The following ZCWPW2 variants were observed in gnomAD, a reference collection of about 807,000 sequenced individuals.
The protein encoded by ZCWPW2 is zinc finger CW-type and PWWP domain containing 2, also known as zinc finger CW-type PWWP domain protein 2.
Under a neutral mutation model 46.6 loss-of-function variants are expected in ZCWPW2, and 45 were observed. The observed-to-expected ratio is 0.96, with a 90% CI of 0.76 to 1.24. ZCWPW2 has a LOEUF of 1.24. Ranked by LOEUF, ZCWPW2 falls within the 50% of genes most tolerant of loss-of-function variation. The pLI, the probability that ZCWPW2 is intolerant of heterozygous loss-of-function variation, is 0.00. For missense variants in ZCWPW2, 429 were observed against 403.9 expected (o/e 1.06, Z -0.53); for synonymous variants, 152 against 137.1 (o/e 1.11, Z -0.76).
At position 28,413,406 on chromosome 3, in the gene ZCWPW2, G is replaced by A; in HGVS notation, c.332+6G>A. ...AAATTACAGAATTGGCCAAGGTAAG[G>A]TTTGTGTAGTTTTATGACTTTTGAA... On this transcript the variant is annotated splice_donor_region_variant and intron_variant, in intron 3 of 9. Transcript: ENST00000383768. 3 of 1,588,996 alleles carry A rather than the reference G, an allele frequency of 1.9e-6. No homozygotes were observed. The highest frequency in any genetic ancestry group is 2.6e-6 in the Non-Finnish European group (3 of 1,164,958).
chr3:28,486,931 C>T (rs937069052), intron 5 of ZCWPW2, among the ~76,000 whole-genome samples: 1 of 149,940 alleles, frequency 6.7e-6, no homozygotes, highest in African/African-American at 2.4e-5. Flanking sequence ...TTTGTCAACA[C>T]TTTATTTTGT....
intron 5 of ZCWPW2, among the ~76,000 whole-genome samples, chr3:28,479,718 C>T (rs971200770): frequency 5.9e-5 from 9 of 152,160 alleles, no homozygotes; most frequent in Non-Finnish European, 1.5e-5. Flanking sequence ...TTGTTCTTCT[C>T]TATGTGCCCA....
At chr3:28,414,304 T>C (rs1481111180) in intron 3 of ZCWPW2, among the ~76,000 whole-genome samples, 1 of 151,948 alleles carries the variant, frequency 6.6e-6, no homozygotes, top group Non-Finnish European at 1.5e-5. Flanking sequence ...AAAAAAATTT[T>C]TCATTAGTCA....
chr3:28,358,281 A>G (rs1172420138), intron 1 of ZCWPW2, among the ~76,000 whole-genome samples: 2 of 152,140 alleles, frequency 1.3e-5, no homozygotes, highest in African/African-American at 2.4e-5. Flanking sequence ...ATTTTTTAAA[A>G]GGACCTTCTT....
chr3:28,390,990 G>A lies in ZCWPW2; in HGVS notation c.-14+373G>A, dbSNP rs145117081. Among the ~76,000 whole-genome samples the A allele has an allele frequency of 4.7e-3, 719 of 152,248 alleles. 6 individuals are homozygous for A. The highest frequency in any genetic ancestry group is 0.015 in the African/African-American group (624 of 41,542). Reference sequence around the variant, plus strand: ...AGGCATCTTTCATGAGAGATGAGAGGTACCAGGCTAGACTAGGGCCCCAGA... The same window carrying A: ...AGGCATCTTTCATGAGAGATGAGAGATACCAGGCTAGACTAGGGCCCCAGA... On this transcript the variant is annotated intron_variant, in intron 2 of 9. Coordinates refer to ENST00000383768, the MANE Select transcript of ZCWPW2 (RefSeq NM_001040432.4).
chr3:28,448,844 T>C (rs971454011), intron 4 of ZCWPW2, among the ~76,000 whole-genome samples: 46 of 88,140 alleles, frequency 5.2e-4, no homozygotes, highest in Admixed American at 1.9e-3. Context: ...AAGGCAATAC[T>C]ACCCAAAGCA....
chr3:28,435,947 T>G (rs1342329174), intron 4 of ZCWPW2, among the ~76,000 whole-genome samples: 1 of 152,194 alleles, frequency 6.6e-6, no homozygotes, highest in Admixed American at 6.5e-5. Flanking sequence ...AACTTAATTA[T>G]GGATTGCAAC....
intron 4 of ZCWPW2, among the ~76,000 whole-genome samples, chr3:28,471,950 TAAATA>T (rs1188511421): frequency 1.3e-5 from 2 of 151,854 alleles, no homozygotes; most frequent in African/African-American, 2.4e-5. Flanking sequence ...ATGTGAAAAA[TAAATA>T]AAACAGTAAT....
intron 2 of ZCWPW2, among the ~76,000 whole-genome samples, chr3:28,402,897 T>G (rs1490358223): frequency 6.6e-6 from 1 of 152,078 alleles, no homozygotes; most frequent in East Asian, 1.9e-4. Context: ...GGAGCAAAGT[T>G]CAGTGTAATA....
intron 6 of ZCWPW2, among the ~76,000 whole-genome samples, chr3:28,508,055 T>A (rs1700326676): frequency 6.6e-6 from 1 of 152,082 alleles, no homozygotes; most frequent in Non-Finnish European, 1.5e-5. Context: ...TGGTATCTGC[T>A]CAGCTTCTGG....
intron 1 of ZCWPW2, among the ~76,000 whole-genome samples, chr3:28,362,957 G>A (rs1704997561): frequency 6.6e-6 from 1 of 151,536 alleles, no homozygotes; most frequent in South Asian, 2.1e-4. Flanking sequence ...AACTAACACA[G>A]GAACAGAAAA....
At chr3:28,510,628 A>G (rs144711848) in intron 6 of ZCWPW2, among the ~76,000 whole-genome samples, 1 of 152,220 alleles carries the variant, frequency 6.6e-6, no homozygotes, top group Non-Finnish European at 1.5e-5. Flanking sequence ...CACTAACCCA[A>G]GTTTACCCAG....
chr3:28,381,974 C>T (rs181591881), intron 1 of ZCWPW2, among the ~76,000 whole-genome samples: 21 of 152,058 alleles, frequency 1.4e-4, no homozygotes, highest in African/African-American at 4.3e-4. Context: ...ACCATCCAGA[C>T]CAACATGGAG....
At chr3:28,413,716 T>C (rs1486836154) in intron 3 of ZCWPW2, among the ~76,000 whole-genome samples, 1 of 152,124 alleles carries the variant, frequency 6.6e-6, no homozygotes, top group Non-Finnish European at 1.5e-5. Flanking sequence ...ACTGATTTTC[T>C]TTGTGATTTC....
intron 4 of ZCWPW2, among the ~76,000 whole-genome samples, chr3:28,469,202 A>C (rs1698944771): frequency 6.6e-6 from 1 of 152,140 alleles, no homozygotes; most frequent in South Asian, 2.1e-4. Context: ...TGGTAATCAC[A>C]AATCAAAAAA....
At chr3:28,490,842 T>C (rs1238265961) in intron 5 of ZCWPW2, among the ~76,000 whole-genome samples, 2 of 152,168 alleles carry the variant, frequency 1.3e-5, no homozygotes, top group South Asian at 2.1e-4. Flanking sequence ...TATCTTATAC[T>C]GTCTAATATA....
intron 6 of ZCWPW2, among the ~76,000 whole-genome samples, chr3:28,503,032 G>A (rs546126573): frequency 3.9e-5 from 6 of 151,996 alleles, no homozygotes; most frequent in East Asian, 1.9e-4. Flanking sequence ...ATTTTTCTCC[G>A]TACATAATGC....
At chr3:28,422,123 TC>T (rs1696817171) in intron 3 of ZCWPW2, among the ~76,000 whole-genome samples, 1 of 152,120 alleles carries the variant, frequency 6.6e-6, no homozygotes, top group African/African-American at 2.4e-5. Context: ...CCTTTCTCCC[TC>T]TGACACCCAC....
chr3:28,376,899 T>A (rs1705516451), intron 1 of ZCWPW2, among the ~76,000 whole-genome samples: 1 of 152,118 alleles, frequency 6.6e-6, no homozygotes, highest in Non-Finnish European at 1.5e-5. Flanking sequence ...AACTGGACAA[T>A]TTGCTTTCTT....
Sources: allele counts gnomAD v4.1 joint callset (sites outside exome capture counted in the v4.1 genomes callset), GRCh38; gene constraint gnomAD v4.1.1; transcripts MANE v1.5; gene names NCBI Gene and HGNC (gene_info 2026-07-23, HGNC 2026-07-21).